DLC1: variants seen among roughly 807,000 people sequenced by gnomAD.
DLC1 encodes the protein DLC1 Rho GTPase activating protein, also known as rho GTPase-activating protein 7.
A neutral mutation model predicts 140.3 loss-of-function variants in DLC1; 54 were observed. The observed-to-expected ratio is 0.38, with a 90% CI of 0.31 to 0.48. The LOEUF (loss-of-function observed/expected upper bound fraction) is 0.48, where lower values mean the gene tolerates loss of function less well. DLC1 is among the 20% of genes least tolerant of loss of function. DLC1 has a pLI of 0.96. For synonymous variants in DLC1, 986 were observed against 728.1 expected (o/e 1.35, Z -5.70); for missense variants, 2,536 against 1,907.0 (o/e 1.33, Z -6.14).
intron 2 of DLC1, among the ~76,000 whole-genome samples, chr8:13,450,385 G>C (rs969942482): frequency 6.8e-6 from 1 of 146,416 alleles, no homozygotes; most frequent in Non-Finnish European, 1.5e-5. Flanking sequence ...AACCCGGAAG[G>C]TGGAGGTTTC....
intron 5 of DLC1, among the ~76,000 whole-genome samples, chr8:13,207,954 T>C (rs953003123): frequency 7.9e-5 from 12 of 152,218 alleles, no homozygotes; most frequent in African/African-American, 2.9e-4. Context: ...CTGTAAGTTA[T>C]GACATTTGAG....
At chr8:13,456,079 C>T (rs1158155628) in intron 2 of DLC1, among the ~76,000 whole-genome samples, 2 of 152,106 alleles carry the variant, frequency 1.3e-5, no homozygotes, top group Non-Finnish European at 2.9e-5. Context: ...GGAAAAGCAT[C>T]ATTTCTTTTC....
Position 13,094,352 on chromosome 8 carries a change from T to C in DLC1, c.3526+407A>G, listed in dbSNP as rs74302463. On this transcript the variant is annotated intron_variant, in intron 12 of 17. Coordinates refer to ENST00000276297, the MANE Select transcript of DLC1 (RefSeq NM_182643.3). ...GACATGGGTTTCCAAGAGGTCACCA[T>C]GCAGACTCTCTTGTCAAAAGAACGC... 3.7e-3 allele frequency among the ~76,000 whole-genome samples: 556 copies of C among 152,296 alleles called. 8 individuals carry two copies. Among genetic ancestry groups the C allele is most frequent in the East Asian group, 0.036 (185 of 5,172 alleles).
intron 2 of DLC1, among the ~76,000 whole-genome samples, chr8:13,411,872 G>GGGA (rs1360668120): frequency 2.0e-5 from 3 of 151,966 alleles, no homozygotes; most frequent in African/African-American, 7.2e-5. Flanking sequence ...TTTTTTTAGT[G>GGGA]TTTTAGGTAA....
At chr8:13,457,508 C>A (rs1799450662) in intron 2 of DLC1, among the ~76,000 whole-genome samples, 1 of 151,766 alleles carries the variant, frequency 6.6e-6, no homozygotes, top group African/African-American at 2.4e-5. Flanking sequence ...GAAACCCTGT[C>A]TCTACCAAAA....
intron 5 of DLC1, among the ~76,000 whole-genome samples, chr8:13,284,484 G>A (rs112227980): frequency 5.3e-5 from 8 of 152,038 alleles, no homozygotes; most frequent in South Asian, 2.1e-4. Context: ...CTGAGATCGC[G>A]CCATTGCACT....
chr8:13,401,257 T>A (rs1270309596), intron 3 of DLC1, among the ~76,000 whole-genome samples: 3 of 152,218 alleles, frequency 2.0e-5, no homozygotes, highest in Non-Finnish European at 1.5e-5. Flanking sequence ...CAAGTTCTTT[T>A]GTATCACCCA....
At chr8:13,095,032 C>G (rs774066297) in intron 11 of DLC1, 54 bp downstream of exon 11, 7 of 1,613,428 alleles carry the variant, frequency 4.3e-6, no homozygotes, top group South Asian at 1.1e-5. Flanking sequence ...CTAGAAGAAG[C>G]TGCATGTAAT....
intron 2 of DLC1, among the ~76,000 whole-genome samples, chr8:13,437,395 G>T (rs1171263959): frequency 6.6e-6 from 1 of 152,156 alleles, no homozygotes; most frequent in Non-Finnish European, 1.5e-5. Flanking sequence ...AGTCAATTGA[G>T]CATCTTTCGA....
intron 5 of DLC1, among the ~76,000 whole-genome samples, chr8:13,151,071 A>T (rs564659889): frequency 6.6e-6 from 1 of 152,326 alleles, no homozygotes; most frequent in Admixed American, 6.5e-5. Flanking sequence ...TATGATGATG[A>T]AATATCTGGG....
intron 12 of DLC1, among the ~76,000 whole-genome samples, 170 bp from the exon 13 acceptor site, chr8:13,092,995 G>A (rs150890618): frequency 2.5e-4 from 38 of 152,228 alleles, no homozygotes; most frequent in Middle Eastern, 3.4e-3. Context: ...TGCCACCGGC[G>A]TCACTATCCT....
chr8:13,512,763 C>G (rs1802434149), intron 1 of DLC1, among the ~76,000 whole-genome samples: 1 of 151,812 alleles, frequency 6.6e-6, no homozygotes, highest in African/African-American at 2.4e-5. Context: ...TGTTTTCTAG[C>G]CCTATTTTTA....
intron 5 of DLC1, among the ~76,000 whole-genome samples, chr8:13,161,100 G>A (rs571554489): frequency 6.6e-6 from 1 of 152,244 alleles, no homozygotes; most frequent in South Asian, 2.1e-4. Context: ...TAGGGAGGTG[G>A]GAGTGGGAGA....
intron 5 of DLC1, among the ~76,000 whole-genome samples, chr8:13,159,757 C>T (rs1824534869): frequency 6.6e-6 from 1 of 151,556 alleles, no homozygotes; most frequent in Non-Finnish European, 1.5e-5. Flanking sequence ...GGTGCTTGTT[C>T]CTGGGGATGT....
At chr8:13,360,882 T>A (rs997254151) in intron 4 of DLC1, among the ~76,000 whole-genome samples, 11 of 150,480 alleles carry the variant, frequency 7.3e-5, no homozygotes, top group Non-Finnish European at 1.3e-4. Flanking sequence ...ACACATTATT[T>A]TTTTTTTTTC....
chr8:13,404,165 G>A (rs1029658357), intron 2 of DLC1, among the ~76,000 whole-genome samples: 3 of 152,118 alleles, frequency 2.0e-5, no homozygotes, highest in African/African-American at 7.2e-5. Context: ...AATAGGAAAA[G>A]GCACTGTTTG....
intron 2 of DLC1, among the ~76,000 whole-genome samples, chr8:13,487,846 C>G (rs1357408715): frequency 6.6e-6 from 1 of 152,186 alleles, no homozygotes; most frequent in African/African-American, 2.4e-5. Flanking sequence ...GCTGGGATTA[C>G]AGGCGTGAGC....
At chr8:13,537,671 T>TTTTTTTTTTACG (rs869283803) in intron 1 of DLC1, among the ~76,000 whole-genome samples, 1 of 113,810 alleles carries the variant, frequency 8.8e-6, no homozygotes, top group African/African-American at 3.9e-5. Flanking sequence ...TTTTTTTTTT[T>TTTTTTTTTTACG]GAGACGGAGT....
intron 4 of DLC1, among the ~76,000 whole-genome samples, chr8:13,330,317 A>C (rs968023026): frequency 6.6e-6 from 1 of 152,176 alleles, no homozygotes; most frequent in African/African-American, 2.4e-5. Context: ...TCTGATATCA[A>C]AATAACCCAG....
Sources: allele counts gnomAD v4.1 joint callset (sites outside exome capture counted in the v4.1 genomes callset), GRCh38; gene constraint gnomAD v4.1.1; transcripts MANE v1.5; gene names NCBI Gene and HGNC (gene_info 2026-07-23, HGNC 2026-07-21).